CACNA2D4: variants seen among roughly 807,000 people sequenced by gnomAD.
The protein encoded by CACNA2D4 is calcium voltage-gated channel auxiliary subunit alpha2delta 4, also known as voltage-dependent calcium channel subunit alpha-2/delta-4.
CACNA2D4 carries 157 observed loss-of-function variants against 163.8 expected under a neutral mutation model. The observed-to-expected ratio is 0.96, with a 90% CI of 0.84 to 1.09. CACNA2D4 has a LOEUF of 1.09. CACNA2D4 is among the 50% of genes least tolerant of loss of function. CACNA2D4 has a pLI of 0.00. For missense variants in CACNA2D4, 1,410 were observed against 1,479.9 expected, an observed-to-expected ratio of 0.95 and a Z score of 0.78; for synonymous variants, 598 against 586.9, an observed-to-expected ratio of 1.02 and a Z score of -0.27.
chr12:1,904,827 GA>G (rs1866617470), intron 6 of CACNA2D4, among the ~76,000 whole-genome samples: 1 of 151,952 alleles, frequency 6.6e-6, no homozygotes, highest in South Asian at 2.1e-4. Context: ...CAGTAATGCA[GA>G]AAATGATGGA....
chr12:1,822,154 G>T (rs1345644141), intron 26 of CACNA2D4: 1 of 152,158 alleles, frequency 6.6e-6, no homozygotes, highest in African/African-American at 2.4e-5. Context: ...AAGGAGAGAG[G>T]CTGCTTAAGC....
chr12:1,834,511 G>T lies in CACNA2D4; in HGVS notation c.2551+6228C>A. On this transcript the variant is annotated intron_variant, in intron 26 of 37. Transcript: ENST00000382722. The surrounding 1 kb of genome is among the most constrained non-coding windows in gnomAD (Gnocchi z 7.6). ...GCCCACAGAAGCAGAGGCACCGGCC[G>T]GCGAGCGTGAGGCGAGCCATGGGCA... 6.2e-7 allele frequency: 1 copy of T among 1,606,740 alleles called. No homozygotes were observed. Among genetic ancestry groups the T allele is most frequent in the Non-Finnish European group, 8.5e-7 (1 of 1,179,860 alleles).
Position 1,843,820 on chromosome 12 carries a change from G to A in CACNA2D4, c.2470+582C>T, listed in dbSNP as rs1054180053. On this transcript the variant is annotated intron_variant, in intron 25 of 37. Coordinates refer to ENST00000382722, the MANE Select transcript of CACNA2D4 (RefSeq NM_172364.5). The surrounding 1 kb of genome is among the most constrained non-coding windows in gnomAD (Gnocchi z 4.6). ...TGGTCCCTGGCCGTGCAGGGATTTT[G>A]TGGTTGCCTCATACCCCACCCTCCC... 4.6e-5 allele frequency among the ~76,000 whole-genome samples: 7 copies of A among 152,160 alleles called. No homozygotes were observed. Among genetic ancestry groups the A allele is most frequent in the African/African-American group, 1.7e-4 (7 of 41,428 alleles).
In CACNA2D4 at chr12:1,804,798, A is replaced by C. The variant is rs77915163; in HGVS notation, c.2722-3154T>G. On this transcript the variant is annotated intron_variant, in intron 29 of 37. Transcript: ENST00000382722. ...CTCGAAGGCAGGAGCCCCTCCAGCT[A>C]TGCTGGGATCGTGCGGATGGGGACA... 5.8e-3 allele frequency among the ~76,000 whole-genome samples: 886 copies of C among 152,358 alleles called. 8 individuals are homozygous for C. Among genetic ancestry groups the C allele is most frequent in the African/African-American group, 0.02 (846 of 41,590 alleles).
chr12:1,873,961 A>G (rs1865834422), intron 18 of CACNA2D4, among the ~76,000 whole-genome samples: 1 of 152,220 alleles, frequency 6.6e-6, no homozygotes, highest in Non-Finnish European at 1.5e-5. Flanking sequence ...GTGCTCTTTC[A>G]GCTGAGGCAG....
rs117413495 is a variant in CACNA2D4, at chr12:1,857,983, T to A, written c.2008+594A>T. Among the ~76,000 whole-genome samples the A allele has an allele frequency of 3.7e-3, 564 of 152,204 alleles. 2 individuals carry two copies. Among genetic ancestry groups the A allele is most frequent in the Non-Finnish European group, 6.2e-3 (421 of 68,002 alleles). On this transcript the variant is annotated intron_variant, in intron 20 of 37. Coordinates refer to ENST00000382722, the MANE Select transcript of CACNA2D4 (RefSeq NM_172364.5). ...GGCCACGGGATCAGGGAGCAGAGAC[T>A]GAAGTGTGCAGCTGCAAGACGAGGA...
Position 1,918,526 on chromosome 12 carries a change from C to T in CACNA2D4, c.-53G>A, listed in dbSNP as rs1867056574. 6.9e-7 allele frequency: 1 copy of T among 1,457,810 alleles called. No individual in the cohort carries two copies. Among genetic ancestry groups the T allele is most frequent in the African/African-American group, 1.4e-5 (1 of 70,310 alleles). The allele number at this position is 1,457,810 out of a possible 1,614,324, so 90.3% of individuals were successfully genotyped here. On this transcript the variant is annotated 5_prime_UTR_variant, in exon 1 of 38. Transcript: ENST00000382722. ...CCAGGACGCCCCAGGCCTTTGTCTT[C>T]CGTGCCTTGGCGAGCCTGGGGTCTC...
intron 26 of CACNA2D4, among the ~76,000 whole-genome samples, chr12:1,825,770 C>A (rs1425141088): frequency 6.6e-6 from 1 of 152,216 alleles, no homozygotes; most frequent in African/African-American, 2.4e-5. Context: ...CCTGAAAGGG[C>A]CACTGCTGGG....
At chr12:1,810,420 G>A in intron 28 of CACNA2D4, 80 bp from the exon 29 acceptor site, 1 of 1,531,174 alleles carries the variant, frequency 6.5e-7, no homozygotes, top group Non-Finnish European at 9.0e-7. Context: ...AGCTCTGGAA[G>A]GCAGCGTGGG....
intron 31 of CACNA2D4, 58 bp from the exon 32 acceptor site, chr12:1,800,496 C>A (rs1037715724): frequency 8.4e-6 from 13 of 1,545,096 alleles, no homozygotes; most frequent in South Asian, 2.2e-5. Context: ...GGGTGCCCCC[C>A]CCCCACCACC....
intron 31 of CACNA2D4, 113 bp from the exon 32 acceptor site, chr12:1,800,551 G>A: frequency 9.6e-7 from 1 of 1,043,904 alleles, no homozygotes. Context: ...CCCTGCCACT[G>A]GGAGCAGGGG....
intron 23 of CACNA2D4, among the ~76,000 whole-genome samples, chr12:1,847,815 A>G (rs1865183387): frequency 6.6e-6 from 1 of 152,218 alleles, no homozygotes; most frequent in Non-Finnish European, 1.5e-5. Flanking sequence ...AGCAAATCCC[A>G]GATATTTCAT....
chr12:1,880,748 G>A (rs1865976271), intron 13 of CACNA2D4, among the ~76,000 whole-genome samples: 1 of 152,242 alleles, frequency 6.6e-6, no homozygotes, highest in Non-Finnish European at 1.5e-5. Context: ...TCAATTTAGA[G>A]TTAGAAGTAA....
chr12:1,912,489 C>T (rs1015961763), intron 3 of CACNA2D4, among the ~76,000 whole-genome samples: 1 of 152,184 alleles, frequency 6.6e-6, no homozygotes, highest in African/African-American at 2.4e-5. Context: ...CTCTGCTGCC[C>T]GGGTGGCCCT....
chr12:1,863,897 C>G (rs79136720), intron 18 of CACNA2D4, among the ~76,000 whole-genome samples: 7 of 143,282 alleles, frequency 4.9e-5, no homozygotes, highest in Non-Finnish European at 9.3e-5. Flanking sequence ...AATCACTTTA[C>G]AAAAAAAAAA....
chr12:1,885,342 G>A (rs1866110599), intron 9 of CACNA2D4, among the ~76,000 whole-genome samples: 1 of 152,168 alleles, frequency 6.6e-6, no homozygotes, highest in Non-Finnish European at 1.5e-5. Flanking sequence ...GCTGAGTACA[G>A]GGGGAGGACA....
At chr12:1,817,882 T>G (rs11061984) in intron 26 of CACNA2D4, among the ~76,000 whole-genome samples, 1 of 151,916 alleles carries the variant, frequency 6.6e-6, no homozygotes, top group African/African-American at 2.4e-5. Context: ...AGTGCCGAGA[T>G]TGCAGCCTCT....
chr12:1,810,161 G>T, intron 29 of CACNA2D4, 117 bp downstream of exon 29: 1 of 775,602 alleles, frequency 1.3e-6, no homozygotes, highest in Non-Finnish European at 2.2e-6. Flanking sequence ...ACCTGAATTG[G>T]CCCCGAACAG....
In CACNA2D4 at chr12:1,829,287, T is replaced by C. The variant is rs1444977042; in HGVS notation, c.2551+11452A>G. On this transcript the variant is annotated intron_variant, in intron 26 of 37. Transcript: ENST00000382722. This position sits in a 1 kb window ranked among gnomAD's most constrained non-coding sequence, Gnocchi z 4.2. ...CCTTTTGAGAGGGAGCTGAATGCGT[T>C]GGATTTTATTTCCTGGGGAAAGTCA... is the stretch of plus-strand genomic sequence containing the variant. Among the ~76,000 whole-genome samples the C allele has an allele frequency of 1.3e-5, 2 of 152,144 alleles. No individual in the cohort carries two copies. The highest frequency in any genetic ancestry group is 4.8e-5 in the African/African-American group (2 of 41,426).
Sources: allele counts gnomAD v4.1 joint callset (sites outside exome capture counted in the v4.1 genomes callset), GRCh38; gene constraint gnomAD v4.1.1; non-coding constraint Gnocchi (gnomAD v3.1); transcripts MANE v1.5; gene names NCBI Gene and HGNC (gene_info 2026-07-23, HGNC 2026-07-21).